Variants in DNAH6 observed in about 807,000 individuals in gnomAD.
The protein encoded by DNAH6 is dynein axonemal heavy chain 6.
Under a neutral mutation model 491.4 loss-of-function variants are expected in DNAH6, and 340 were observed. The observed-to-expected ratio is 0.69, with a 90% CI of 0.63 to 0.76. DNAH6 has a LOEUF of 0.76. Among genes scored for constraint, DNAH6 ranks in the 30% least tolerant of loss-of-function variants. The pLI is 0.00. For synonymous variants in DNAH6, 1,603 were observed against 1,686.1 expected, an observed-to-expected ratio of 0.95 and a Z score of 1.21; for missense variants, 4,443 against 4,972.2, an observed-to-expected ratio of 0.89 and a Z score of 3.20.
chr2:84,704,747 C>G (rs544730675), intron 51 of DNAH6, among the ~76,000 whole-genome samples: 1 of 152,320 alleles, frequency 6.6e-6, no homozygotes, highest in Admixed American at 6.5e-5. Flanking sequence ...CACGAAAGGT[C>G]TTAAAAGCTG....
the DNAH6 span, among the ~76,000 whole-genome samples, chr2:84,491,560 T>C: frequency 1.3e-5 from 2 of 152,176 alleles, no homozygotes; most frequent in African/African-American, 4.8e-5. Flanking sequence ...GAGCTTTTAC[T>C]TTTTTGCCGT....
At chr2:84,663,076 C>T (rs907035342) in intron 37 of DNAH6, among the ~76,000 whole-genome samples, 5 of 152,172 alleles carry the variant, frequency 3.3e-5, no homozygotes, top group Non-Finnish European at 7.4e-5. Context: ...CACACCAAAA[C>T]CCCATCTGTA....
intron 18 of DNAH6, among the ~76,000 whole-genome samples, chr2:84,600,145 A>G (rs1448928137): frequency 6.6e-6 from 1 of 152,140 alleles, no homozygotes; most frequent in African/African-American, 2.4e-5. Flanking sequence ...GGACTCAGAG[A>G]GGAGTGTTGA....
intron 3 of DNAH6, among the ~76,000 whole-genome samples, chr2:84,527,030 A>T (rs575655898): frequency 1.3e-5 from 2 of 152,198 alleles, no homozygotes; most frequent in Non-Finnish European, 1.5e-5. Context: ...AATATGAAAA[A>T]TGGGATGTTT....
the DNAH6 span, among the ~76,000 whole-genome samples, chr2:84,476,302 C>A: frequency 6.6e-6 from 1 of 152,260 alleles, no homozygotes; most frequent in South Asian, 2.1e-4. Context: ...TTCAAGGTCT[C>A]CCTCGGCTCT....
Position 84,652,165 on chromosome 2 carries a change from C to G in DNAH6, c.5079-1154C>G, listed in dbSNP as rs148785716. The stretch of plus-strand genomic sequence containing the variant: ...GGGGAGATTCCTGGAAGTAAGTTTC[C>G]TAGGTCATAGGGTTTGCACATTTTT... On this transcript the variant is annotated intron_variant, in intron 33 of 76. Transcript: ENST00000389394. Among the ~76,000 whole-genome samples the G allele has an allele frequency of 3.3e-3, 508 of 152,024 alleles. 4 individuals carry two copies. The highest frequency in any genetic ancestry group is 0.012 in the African/African-American group (487 of 41,498).
chr2:84,617,037 G>A, intron 23 of DNAH6, 55 bp downstream of exon 23: 2 of 963,322 alleles, frequency 2.1e-6, no homozygotes, highest in East Asian at 3.0e-5. Context: ...TGTCAATCAA[G>A]TTGAGGTTAT....
At chr2:84,801,474 A>G (rs1344118235) in intron 70 of DNAH6, among the ~76,000 whole-genome samples, 2 of 152,140 alleles carry the variant, frequency 1.3e-5, no homozygotes, top group Non-Finnish European at 2.9e-5. Context: ...TTAAGGCATT[A>G]GAGAAAAGGG....
chr2:84,685,369 G>A lies in DNAH6; in HGVS notation c.6960G>A (p.Gln2320=). Residue 2320 remains glutamine (Q), a synonymous_variant, in exon 43 of 77, where the codon CAG becomes CAA. Coordinates refer to ENST00000389394, the MANE Select transcript of DNAH6 (RefSeq NM_001370.2). ...CAGGAACAATAAGAGAAGAAATTCA[G>A]ATATTTAGACTCTTTTGCCATGAGT... The part of the protein sequence containing the change: ...CDPGTIREEI[Q]IFRLFCHECQ... The A allele has an allele frequency of 6.6e-7, 1 of 1,522,494 alleles. No homozygotes were observed. The highest frequency in any genetic ancestry group is 8.9e-7 in the Non-Finnish European group (1 of 1,129,400). 94.3% of individuals were successfully genotyped at this position (1,522,494 alleles called of 1,614,324 possible).
intron 22 of DNAH6, 90 bp downstream of exon 22, chr2:84,611,944 T>C: frequency 2.6e-6 from 3 of 1,169,404 alleles, no homozygotes; most frequent in Non-Finnish European, 3.6e-6. Context: ...TCTCTGGGAA[T>C]CTAATAACAT....
intron 16 of DNAH6, among the ~76,000 whole-genome samples, chr2:84,591,487 T>C (rs1684109204): frequency 6.6e-6 from 1 of 152,156 alleles, no homozygotes; most frequent in South Asian, 2.1e-4. Context: ...AGATATCCCA[T>C]GTTCATTGAT....
upstream of DNAH6, among the ~76,000 whole-genome samples, chr2:84,513,070 A>G (rs1675396808): frequency 6.7e-6 from 1 of 150,254 alleles, no homozygotes; most frequent in Admixed American, 6.6e-5. Context: ...TGTATGAGGT[A>G]GATTTTTTTA....
chr2:84,472,721 A>G, the DNAH6 span, among the ~76,000 whole-genome samples: 1 of 152,220 alleles, frequency 6.6e-6, no homozygotes, highest in Non-Finnish European at 1.5e-5. Context: ...TGCATCAGCA[A>G]AAGCTGCAGA....
chr2:84,554,705 A>T (rs1486304326), intron 10 of DNAH6, among the ~76,000 whole-genome samples: 1 of 152,238 alleles, frequency 6.6e-6, no homozygotes. Context: ...TGACAAGCAG[A>T]CTACTGAGGT....
chr2:84,642,044 C>T lies in DNAH6; in HGVS notation c.5068C>T (p.Leu1690Phe). Residue 1690 changes from leucine (L) to phenylalanine (F), a missense_variant, in exon 33 of 77, where the codon CTT (leucine) becomes TTT (phenylalanine). Physicochemically the swap from Leu to Phe is conservative, Grantham distance 22. Coordinates refer to ENST00000389394, the MANE Select transcript of DNAH6 (RefSeq NM_001370.2). Reference sequence around the variant, plus strand: ...GCCAAAATTTCTAACAGATGATGCTCTTCTGTTCAGGTAAGTTTGTAGACA... The same window carrying T: ...GCCAAAATTTCTAACAGATGATGCTTTTCTGTTCAGGTAAGTTTGTAGACA... The part of the protein sequence containing the change: ...NLPKFLTDDA[L>F]LFSGIISDLF... 3 of 1,549,910 alleles carry T rather than the reference C, an allele frequency of 1.9e-6. No homozygotes were observed. Among genetic ancestry groups the T allele is most frequent in the Non-Finnish European group, 1.7e-6 (2 of 1,145,754 alleles).
chr2:84,690,049 C>T (rs939768718), intron 45 of DNAH6, among the ~76,000 whole-genome samples: 2 of 152,228 alleles, frequency 1.3e-5, no homozygotes, highest in Non-Finnish European at 2.9e-5. Context: ...CAATGTTCTA[C>T]TTAAAATGCA....
chr2:84,624,519 A>G lies in DNAH6; in HGVS notation c.4252A>G (p.Ile1418Val), dbSNP rs1342146178. 5 of 1,551,966 alleles carry G rather than the reference A, an allele frequency of 3.2e-6. No homozygotes were observed. The highest frequency in any genetic ancestry group is 4.4e-6 in the Non-Finnish European group (5 of 1,147,006). ...GAGACAACTGCGCTATTACTGGGAT[A>G]TAGACCTGGATAATTGTGTGGCTAG... ...WQRQLRYYWD[I>V]DLDNCVARMA... is the part of the protein sequence containing the mutation. The change falls in exon 28 of 77, where the codon ATA becomes GTA. Residue 1418 changes from isoleucine to valine, a missense_variant. Transcript: ENST00000389394.
Position 84,797,553 on chromosome 2 carries a change from C to A in DNAH6, c.11376C>A (p.Pro3792=). The stretch of plus-strand genomic sequence containing the variant: ...TAATAACAGGCATCTATTTTGCACC[C>A]ATGGCTGACAGCCTACAAGAGTTTA... The part of the protein sequence containing the change: ...KYSESGIYFA[P]MADSLQEFKD... The change falls in exon 70 of 77, where the codon CCC becomes CCA. Residue 3792 remains proline (P), a synonymous_variant. Transcript: ENST00000389394. The A allele has an allele frequency of 1.3e-6, 2 of 1,551,750 alleles. No individual in the cohort carries two copies.
At chr2:84,701,520 G>A (rs1443662152) in intron 49 of DNAH6, among the ~76,000 whole-genome samples, 181 bp downstream of exon 49, 2 of 152,164 alleles carry the variant, frequency 1.3e-5, no homozygotes, top group African/African-American at 4.8e-5. Context: ...TTGGCTCACA[G>A]TTCTGCAGGT....
Sources: allele counts gnomAD v4.1 joint callset (sites outside exome capture counted in the v4.1 genomes callset), GRCh38; gene constraint gnomAD v4.1.1; transcripts MANE v1.5; gene names NCBI Gene and HGNC (gene_info 2026-07-23, HGNC 2026-07-21).